The following ACSL5 variants were observed in gnomAD, a reference collection of about 807,000 sequenced individuals.
ACSL5 encodes long-chain-fatty-acid--CoA ligase 5.
Under a neutral mutation model 84.9 loss-of-function variants are expected in ACSL5, and 50 were observed. That is an observed-to-expected ratio of 0.59 (90% CI 0.47 to 0.75). ACSL5 has a LOEUF of 0.75. ACSL5 is among the 30% of genes least tolerant of loss of function. The pLI, the probability that ACSL5 is intolerant of heterozygous loss-of-function variation, is 0.00. For missense variants in ACSL5, 775 were observed against 830.4 expected, an observed-to-expected ratio of 0.93 and a Z score of 0.82; for synonymous variants, 280 against 300.7, an observed-to-expected ratio of 0.93 and a Z score of 0.71.
intron 7 of ACSL5, 141 bp from the exon 8 acceptor site, chr10:112,410,322 C>A: frequency 1.3e-6 from 2 of 1,550,884 alleles, no homozygotes; most frequent in Non-Finnish European, 1.7e-6. Context: ...TGAATGTTGG[C>A]TTCTGGTCCT....
At chr10:112,407,356 TG>T (rs1844064728) in intron 5 of ACSL5, among the ~76,000 whole-genome samples, 1 of 152,208 alleles carries the variant, frequency 6.6e-6, no homozygotes, top group South Asian at 2.1e-4. Flanking sequence ...CCCGAGTAGC[TG>T]GGATTACAGG....
chr10:112,424,308 T>C (rs1258818926), intron 17 of ACSL5: 1 of 152,366 alleles, frequency 6.6e-6, no homozygotes, highest in East Asian at 1.9e-4. Flanking sequence ...TTGTCTTAAC[T>C]ATGTGCTGGG....
intron 1 of ACSL5, among the ~76,000 whole-genome samples, chr10:112,390,577 T>C (rs535900054): frequency 6.6e-6 from 1 of 152,226 alleles, no homozygotes; most frequent in South Asian, 2.1e-4. Context: ...AAAAACTGTA[T>C]AGAAATGCTC....
intron 1 of ACSL5, among the ~76,000 whole-genome samples, chr10:112,388,194 C>T (rs1478136458): frequency 1.3e-5 from 2 of 152,152 alleles, no homozygotes; most frequent in African/African-American, 4.8e-5. Context: ...CCCTCCTTGG[C>T]CTCCCAACGT....
At chr10:112,383,212 G>A (rs1051229518) in intron 1 of ACSL5, among the ~76,000 whole-genome samples, 16 of 152,364 alleles carry the variant, frequency 1.1e-4, no homozygotes, top group Admixed American at 1.3e-4. Context: ...TTAAGCCTGG[G>A]AAGTTAACAC....
intron 14 of ACSL5, among the ~76,000 whole-genome samples, chr10:112,420,535 C>A (rs997138641): frequency 6.6e-6 from 1 of 152,096 alleles, no homozygotes; most frequent in African/African-American, 2.4e-5. Flanking sequence ...AAAGTTTGCC[C>A]ACCCTTGTTT....
chr10:112,421,108 A>G (rs953199378), intron 14 of ACSL5, among the ~76,000 whole-genome samples: 8 of 152,108 alleles, frequency 5.3e-5, no homozygotes, highest in African/African-American at 1.9e-4. Context: ...GCTTGGTAGT[A>G]AATACTTTGC....
Position 112,381,583 on chromosome 10 carries a change from G to A in ACSL5, c.-30+7314G>A, listed in dbSNP as rs532378155. ...CTCGGGAGGCTGAGGCAGGAGAATC[G>A]CTTGAGCCCTGGAGGCGGAGGTTGC... On this transcript the variant is annotated intron_variant, in intron 1 of 20. Coordinates refer to ENST00000354655, the MANE Select transcript of ACSL5 (RefSeq NM_203379.2). Among the ~76,000 whole-genome samples the A allele has an allele frequency of 3.3e-5, 5 of 151,146 alleles. No individual in the cohort carries two copies. In the East Asian group the frequency reaches 5.9e-4, roughly 18 times the overall value.
At chr10:112,408,378 T>G (rs1844098350) in intron 5 of ACSL5, 44 bp from the exon 6 acceptor site, 1 of 1,246,212 alleles carries the variant, frequency 8.0e-7, no homozygotes, top group Non-Finnish European at 1.2e-6. Context: ...ACTGGTACTC[T>G]TCAGTGTGCC....
intron 1 of ACSL5, among the ~76,000 whole-genome samples, chr10:112,378,844 A>C (rs968867366): frequency 1.3e-5 from 2 of 152,164 alleles, no homozygotes; most frequent in African/African-American, 4.8e-5. Context: ...AGGGCCTGAC[A>C]CTTCCTAGGT....
At chr10:112,395,197 A>C (rs1046592491) in intron 2 of ACSL5, 95 bp downstream of exon 2, 48 of 1,218,884 alleles carry the variant, frequency 3.9e-5, no homozygotes, top group Non-Finnish European at 4.0e-5. Context: ...GATTGGGTGC[A>C]GCATGGGAAA....
intron 11 of ACSL5, 77 bp downstream of exon 11, chr10:112,412,056 T>A (rs191279915): frequency 7.1e-7 from 1 of 1,402,392 alleles, no homozygotes; most frequent in East Asian, 2.3e-5. Flanking sequence ...CAAAGGCAGC[T>A]ACACAGTATT....
intron 19 of ACSL5, 199 bp downstream of exon 19, chr10:112,426,558 A>G: frequency 3.2e-6 from 2 of 619,266 alleles, no homozygotes; most frequent in Non-Finnish European, 5.7e-6. Context: ...ATTGTGGGAA[A>G]AGATTGGGAA....
At chr10:112,411,599 T>A (rs569949194) in intron 10 of ACSL5, 70 bp downstream of exon 10, 1 of 1,438,296 alleles carries the variant, frequency 7.0e-7, no homozygotes, top group Admixed American at 1.8e-5. Context: ...ATTTTTGAGG[T>A]TAGAGCAGGC....
chr10:112,384,839 G>T (rs970895129), intron 1 of ACSL5, among the ~76,000 whole-genome samples: 1 of 152,138 alleles, frequency 6.6e-6, no homozygotes, highest in African/African-American at 2.4e-5. Flanking sequence ...TTTCTATGAG[G>T]ATTGTCTTTT....
At chr10:112,388,449 G>A (rs1231289877) in intron 1 of ACSL5, among the ~76,000 whole-genome samples, 1 of 152,086 alleles carries the variant, frequency 6.6e-6, no homozygotes, top group African/African-American at 2.4e-5. Flanking sequence ...TGGCCTGAAT[G>A]ACTTCTTATG....
intron 12 of ACSL5, among the ~76,000 whole-genome samples, chr10:112,415,832 T>C (rs555785811): frequency 1.3e-5 from 2 of 152,288 alleles, no homozygotes; most frequent in East Asian, 1.9e-4. Context: ...TAGGGTGGAA[T>C]CTTGAAAGCC....
At chr10:112,427,187 G>A (rs773755541) in intron 20 of ACSL5, 31 bp from the exon 21 acceptor site, 6 of 1,590,336 alleles carry the variant, frequency 3.8e-6, no homozygotes, top group East Asian at 2.2e-5. Context: ...AATCACTAAT[G>A]AGCATGGATG....
intron 1 of ACSL5, among the ~76,000 whole-genome samples, chr10:112,382,013 A>G (rs1849360827): frequency 6.6e-6 from 1 of 152,324 alleles, no homozygotes; most frequent in South Asian, 2.1e-4. Context: ...GGTGCATCCC[A>G]TAGAGCACTG....
Sources: allele counts gnomAD v4.1 joint callset (sites outside exome capture counted in the v4.1 genomes callset), GRCh38; gene constraint gnomAD v4.1.1; transcripts MANE v1.5; gene names NCBI Gene and HGNC (gene_info 2026-07-23, HGNC 2026-07-21).